IL1R1: variants seen among roughly 807,000 people sequenced by gnomAD.
The protein encoded by IL1R1 is interleukin-1 receptor type 1.
In IL1R1, 22 loss-of-function variants were observed where a neutral mutation model predicts 50.2. That is an observed-to-expected ratio of 0.44 (90% confidence interval 0.31 to 0.63). The LOEUF is 0.63. IL1R1 is among the 20% of genes least tolerant of loss of function. The pLI, the probability that IL1R1 is intolerant of heterozygous loss-of-function variation, is 0.07. For missense variants in IL1R1, 509 were observed against 676.2 expected (o/e 0.75, Z 2.74); for synonymous variants, 251 against 236.7 (o/e 1.06, Z -0.55).
chr2:102,134,255 C>T (rs1170597691), intron 1 of IL1R1, among the ~76,000 whole-genome samples: 15 of 48,458 alleles, frequency 3.1e-4, no homozygotes, highest in Non-Finnish European at 5.2e-4. Flanking sequence ...TGGCACTGTT[C>T]TTGTCGGTGC....
chr2:102,105,024 A>T (rs1470584930), intron 1 of IL1R1, among the ~76,000 whole-genome samples: 1 of 152,194 alleles, frequency 6.6e-6, no homozygotes, highest in Non-Finnish European at 1.5e-5. Context: ...CAACATTTTA[A>T]GGATTTCTTG....
intron 1 of IL1R1, among the ~76,000 whole-genome samples, chr2:102,149,209 C>T (rs991456577): frequency 2.6e-5 from 4 of 152,180 alleles, no homozygotes; most frequent in African/African-American, 9.7e-5. Context: ...ATCAGATCTA[C>T]ACATATGCAC....
intron 1 of IL1R1, among the ~76,000 whole-genome samples, chr2:102,081,331 G>C (rs1224990640): frequency 6.6e-6 from 1 of 152,160 alleles, no homozygotes; most frequent in African/African-American, 2.4e-5. Flanking sequence ...AACCAGCTAA[G>C]GGAGCCTGGG....
At chr2:102,078,996 C>T (rs1449557142) in intron 1 of IL1R1, among the ~76,000 whole-genome samples, 1 of 152,064 alleles carries the variant, frequency 6.6e-6, no homozygotes, top group African/African-American at 2.4e-5. Flanking sequence ...ATTGCATAAT[C>T]ATCTCAATAG....
At chr2:102,170,612 A>T (rs890196516) in intron 7 of IL1R1, among the ~76,000 whole-genome samples, 2 of 152,260 alleles carry the variant, frequency 1.3e-5, no homozygotes, top group Non-Finnish European at 2.9e-5. Flanking sequence ...GCTAGAAAAC[A>T]TAATAGGAAA....
intron 1 of IL1R1, among the ~76,000 whole-genome samples, chr2:102,088,060 T>G (rs1028815161): frequency 3.9e-5 from 6 of 152,228 alleles, no homozygotes; most frequent in Non-Finnish European, 8.8e-5. Context: ...ACTGAAGTCT[T>G]GAACCCCTTA....
intron 1 of IL1R1, among the ~76,000 whole-genome samples, chr2:102,088,375 A>G (rs2046091400): frequency 6.6e-6 from 1 of 152,180 alleles, no homozygotes. Flanking sequence ...GAGCCCTTGG[A>G]TGACCAGTTC....
At chr2:102,116,137 G>A (rs1681057714) in intron 1 of IL1R1, among the ~76,000 whole-genome samples, 2 of 152,242 alleles carry the variant, frequency 1.3e-5, no homozygotes, top group Non-Finnish European at 2.9e-5. Flanking sequence ...GTTGCACTGG[G>A]TCGAGATGGT....
At chr2:102,126,975 C>T (rs992303889) in intron 1 of IL1R1, among the ~76,000 whole-genome samples, 4 of 152,188 alleles carry the variant, frequency 2.6e-5, no homozygotes, top group African/African-American at 7.2e-5. Context: ...AATGCAGAGG[C>T]CCCCTTGTCA....
At chr2:102,130,920 T>C (rs1042244130) in intron 1 of IL1R1, among the ~76,000 whole-genome samples, 1 of 152,162 alleles carries the variant, frequency 6.6e-6, no homozygotes, top group African/African-American at 2.4e-5. Context: ...AGGATAGTGA[T>C]CCCTGAGAGG....
At position 102,176,954 on chromosome 2, in the gene IL1R1, G is replaced by A; in HGVS notation, c.*195G>A. 1 of 574,612 alleles carries A rather than the reference G, an allele frequency of 1.7e-6. No individual in the cohort carries two copies. Among genetic ancestry groups the A allele is most frequent in the Non-Finnish European group, 3.0e-6 (1 of 329,418 alleles). 35.6% of individuals were successfully genotyped at this position (574,612 alleles called of 1,614,324 possible). On this transcript the variant is annotated 3_prime_UTR_variant, in exon 12 of 12. Transcript: ENST00000410023. ...CAGCCCAGGGCACTTCAGAGTAGAG[G>A]GCTTGGGAAGATCTTTTAAAAAGGC...
In IL1R1 at chr2:102,164,788, C is replaced by T. The variant is rs56337419; in HGVS notation, c.76C>T (p.Arg26Cys). The T allele has an allele frequency of 4.3e-6, 7 of 1,612,236 alleles. No individual in the cohort carries two copies. Among genetic ancestry groups the T allele is most frequent in the Admixed American group, 1.7e-5 (1 of 59,890 alleles). ...SSLEADKCKE[R>C]EEKIILVSSA... ...TCCTTTTAAAGATAAATGCAAGGAA[C>T]GTGAAGAAAAAATAATTTTAGTGTC... The change falls in exon 4 of 12, where the codon CGT becomes TGT. Residue 26 changes from arginine (R) to cysteine (C), a missense_variant. By Grantham distance (180) the Arg-to-Cys change is radical. Transcript: ENST00000410023.
intron 1 of IL1R1, among the ~76,000 whole-genome samples, chr2:102,095,210 CCCTGTGTGT>C (rs1382119108): frequency 2.4e-4 from 36 of 152,232 alleles, no homozygotes; most frequent in African/African-American, 8.2e-4. Flanking sequence ...CATGATGGTG[CCCTGTGTGT>C]ATGTGATAGT....
chr2:102,092,284 A>C (rs927358784), intron 1 of IL1R1, among the ~76,000 whole-genome samples: 1 of 152,138 alleles, frequency 6.6e-6, no homozygotes, highest in Admixed American at 6.5e-5. Context: ...GCTGGCAATC[A>C]TCAATTCTCA....
At chr2:102,071,162 T>C (rs1052240163) in intron 1 of IL1R1, among the ~76,000 whole-genome samples, 1 of 152,136 alleles carries the variant, frequency 6.6e-6, no homozygotes, top group Non-Finnish European at 1.5e-5. Context: ...ATTTGTATAC[T>C]TATATATATA....
chr2:102,148,798 T>G (rs965499555), intron 1 of IL1R1, among the ~76,000 whole-genome samples: 1 of 152,194 alleles, frequency 6.6e-6, no homozygotes, highest in African/African-American at 2.4e-5. Context: ...TTTTTCAAAC[T>G]GACATTTTTG....
chr2:102,178,260 G>A lies in IL1R1; in HGVS notation c.*1501G>A, dbSNP rs930225988. ...GGTCAGGCCCACTGCAGAGATGGTG[G>A]TGAGCACATCTGGGAGGCTGGTCTC... On this transcript the variant is annotated 3_prime_UTR_variant, in exon 12 of 12. Transcript: ENST00000410023. 2.0e-5 allele frequency: 3 copies of A among 152,326 alleles called. No homozygotes were observed. Among genetic ancestry groups the A allele is most frequent in the African/African-American group, 7.2e-5 (3 of 41,406 alleles). The allele number at this position is 152,326 out of a possible 1,614,324, so 9.4% of individuals were successfully genotyped here.
At chr2:102,151,434 T>TTCCTTCCC (rs1683643899) in intron 1 of IL1R1, among the ~76,000 whole-genome samples, 2 of 152,184 alleles carry the variant, frequency 1.3e-5, no homozygotes, top group African/African-American at 4.8e-5. Context: ...GGTAGGTGGA[T>TTCCTTCCC]TCCTTCCCTC....
chr2:102,104,722 T>C (rs1559463820), exon 1 of IL1R1: 1 of 152,200 alleles, frequency 6.6e-6, no homozygotes, highest in Non-Finnish European at 1.5e-5. Context: ...TAGCTAGGGC[T>C]GACTTCAAAA....
Sources: allele counts gnomAD v4.1 joint callset (sites outside exome capture counted in the v4.1 genomes callset), GRCh38; gene constraint gnomAD v4.1.1; transcripts MANE v1.5; gene names NCBI Gene and HGNC (gene_info 2026-07-23, HGNC 2026-07-21).